Variants in COTL1 observed in about 807,000 individuals in gnomAD.
The protein encoded by COTL1 is coactosin-like protein.
COTL1 carries 15 observed loss-of-function variants against 16.5 expected under a neutral mutation model. The observed-to-expected ratio is 0.91, with a 90% CI of 0.61 to 1.40. The LOEUF is 1.40. Ranked by LOEUF, COTL1 falls within the 40% of genes most tolerant of loss-of-function variation. COTL1 has a pLI of 0.00. For missense variants in COTL1, 220 were observed against 201.5 expected (o/e 1.09, Z -0.56); for synonymous variants, 112 against 85.3 (o/e 1.31, Z -1.73).
At chr16:84,616,990 G>T (rs1167196374) in intron 2 of COTL1, among the ~76,000 whole-genome samples, 1 of 152,288 alleles carries the variant, frequency 6.6e-6, no homozygotes, top group South Asian at 2.1e-4. Flanking sequence ...TTTCTAAATG[G>T]AATCATATGG....
chr16:84,583,019 T>C (rs1021223014), intron 3 of COTL1, among the ~76,000 whole-genome samples: 2 of 152,242 alleles, frequency 1.3e-5, no homozygotes, highest in Admixed American at 1.3e-4. Flanking sequence ...ACTAATTTCA[T>C]GTGCAACACG....
rs949836184 is a variant in COTL1, at chr16:84,612,553, C to G, written c.160+4948G>C. 3.9e-5 allele frequency among the ~76,000 whole-genome samples: 6 copies of G among 152,262 alleles called. No individual in the cohort carries two copies. In the Middle Eastern group the frequency reaches 0.017, roughly 432 times the overall value. On this transcript the variant is annotated intron_variant, in intron 2 of 3. Transcript: ENST00000262428. ...ATCCCAGCATTTTGGGAGGCTGAGG[C>G]AGGTGGATCACCTGAGGTCAGGAGT...
chr16:84,591,253 G>A (rs537623857), intron 2 of COTL1, among the ~76,000 whole-genome samples: 2 of 149,238 alleles, frequency 1.3e-5, no homozygotes, highest in African/African-American at 2.5e-5. Flanking sequence ...GCGCGATCTC[G>A]ACTCACTGCA....
intron 3 of COTL1, among the ~76,000 whole-genome samples, chr16:84,578,153 T>C (rs1904494051): frequency 6.6e-6 from 1 of 152,142 alleles, no homozygotes; most frequent in Non-Finnish European, 1.5e-5. Flanking sequence ...TAGCCCAAGC[T>C]TATTGATCAG....
intron 2 of COTL1, among the ~76,000 whole-genome samples, chr16:84,616,632 G>A (rs930089099): frequency 1.3e-5 from 2 of 152,192 alleles, no homozygotes; most frequent in Non-Finnish European, 2.9e-5. Flanking sequence ...AGAGATGGGA[G>A]GGAGTCGCAT....
Position 84,617,330 on chromosome 16 carries a change from G to A in COTL1, c.160+171C>T, listed in dbSNP as rs1422660338. Among the ~76,000 whole-genome samples, 4 of 152,272 alleles carry A rather than the reference G, an allele frequency of 2.6e-5. No individual in the cohort carries two copies. In the South Asian group the frequency reaches 8.3e-4, roughly 32 times the overall value. On this transcript the variant is annotated intron_variant, in intron 2 of 3. Transcript: ENST00000262428. ...TCTGTTGCTTCGGATGTCCAGAGGGGAGAAGGTTTTATGAGGCCTTAAAAC... is the reference window on the plus strand; with the variant it reads ...TCTGTTGCTTCGGATGTCCAGAGGGAAGAAGGTTTTATGAGGCCTTAAAAC...
intron 2 of COTL1, among the ~76,000 whole-genome samples, chr16:84,614,237 C>G (rs535973915): frequency 1.4e-4 from 21 of 152,312 alleles, no homozygotes; most frequent in African/African-American, 5.1e-4. Flanking sequence ...GAGCAAGAAG[C>G]AAGAGCGGAG....
At chr16:84,571,266 A>T (rs892162812) in intron 3 of COTL1, among the ~76,000 whole-genome samples, 3 of 152,150 alleles carry the variant, frequency 2.0e-5, no homozygotes, top group Admixed American at 1.3e-4. Context: ...GATGCAGCCC[A>T]CGCCAGTGCA....
intron 2 of COTL1, among the ~76,000 whole-genome samples, chr16:84,606,813 C>G (rs1358848156): frequency 2.0e-5 from 3 of 152,238 alleles, no homozygotes; most frequent in Non-Finnish European, 2.9e-5. Context: ...CTTAGGGTCC[C>G]TGAGGGATTC....
intron 3 of COTL1, among the ~76,000 whole-genome samples, chr16:84,569,344 G>C (rs1284340080): frequency 6.6e-6 from 1 of 151,842 alleles, no homozygotes; most frequent in Non-Finnish European, 1.5e-5. Flanking sequence ...AACATAAAAA[G>C]GTTCATTTTA....
intron 3 of COTL1, among the ~76,000 whole-genome samples, chr16:84,585,954 TAAC>T (rs1904720686): frequency 6.6e-6 from 1 of 152,154 alleles, no homozygotes; most frequent in South Asian, 2.1e-4. Flanking sequence ...TCCCTTTCTC[TAAC>T]AACTGGGATC....
At chr16:84,617,639 G>A in intron 1 of COTL1, 56 bp from the exon 2 acceptor site, 2 of 1,511,612 alleles carry the variant, frequency 1.3e-6, no homozygotes, top group Non-Finnish European at 1.8e-6. Context: ...GTGGCCGCGC[G>A]ACGCGGCGCT....
At chr16:84,603,538 G>T (rs1905144957) in intron 2 of COTL1, among the ~76,000 whole-genome samples, 1 of 152,184 alleles carries the variant, frequency 6.6e-6, no homozygotes, top group African/African-American at 2.4e-5. Flanking sequence ...CCAGCTGAGG[G>T]GGTGATGCCC....
chr16:84,579,998 T>C (rs1489784747), intron 3 of COTL1, among the ~76,000 whole-genome samples: 1 of 152,192 alleles, frequency 6.6e-6, no homozygotes, highest in African/African-American at 2.4e-5. Context: ...AGCGACTGTA[T>C]ACCGTGCTAG....
At chr16:84,599,440 C>A (rs1363631359) in intron 2 of COTL1, among the ~76,000 whole-genome samples, 1 of 152,182 alleles carries the variant, frequency 6.6e-6, no homozygotes, top group Non-Finnish European at 1.5e-5. Flanking sequence ...TAAGGATCCC[C>A]CACCACCCTA....
intron 2 of COTL1, 45 bp downstream of exon 2, chr16:84,617,456 A>G: frequency 6.5e-7 from 1 of 1,528,758 alleles, no homozygotes; most frequent in Non-Finnish European, 8.9e-7. Context: ...GGTGCAGACA[A>G]CCTCCCAACG....
intron 3 of COTL1, chr16:84,568,482 C>T (rs1220688368): frequency 2.0e-5 from 3 of 152,200 alleles, no homozygotes; most frequent in Admixed American, 6.5e-5. Flanking sequence ...AGGAATGAAG[C>T]GCTGCCACAC....
chr16:84,585,412 CA>C (rs1016897624), intron 3 of COTL1, among the ~76,000 whole-genome samples: 1 of 151,422 alleles, frequency 6.6e-6, no homozygotes, highest in African/African-American at 2.4e-5. Flanking sequence ...AATGACCGTG[CA>C]ATTAATTTAC....
intron 2 of COTL1, among the ~76,000 whole-genome samples, chr16:84,592,772 CG>C (rs1375077805): frequency 6.6e-6 from 1 of 152,030 alleles, no homozygotes; most frequent in Non-Finnish European, 1.5e-5. Flanking sequence ...ATCTCAAAAC[CG>C]GAGGGGGTAA....
Sources: gnomAD v4.1 joint callset for allele counts (sites outside exome capture counted in the v4.1 genomes callset) on GRCh38, gnomAD v4.1.1 for gene constraint, MANE v1.5 for transcripts, NCBI Gene and HGNC (gene_info 2026-07-23, HGNC 2026-07-21) for gene names.